TCEANC: variants seen among roughly 807,000 people sequenced by gnomAD.
The protein encoded by TCEANC is transcription elongation factor A N-terminal and central domain-containing protein.
In TCEANC, 8 loss-of-function variants were observed where a neutral mutation model predicts 8.7. That is an observed-to-expected ratio of 0.92 (90% CI 0.54 to 1.65). The LOEUF (loss-of-function observed/expected upper bound fraction) is 1.65, where lower values mean the gene tolerates loss of function less well. Ranked by LOEUF, TCEANC falls within the 40% of genes most tolerant of loss-of-function variation. The probability of loss-of-function intolerance (pLI) is 0.00; values close to 1 mark genes in which losing one functional copy is unlikely to be tolerated. For synonymous variants in TCEANC, 78 were observed against 92.9 expected (o/e 0.84, Z 0.92); for missense variants, 255 against 251.9 (o/e 1.01, Z -0.08).
intron 1 of TCEANC, among the ~76,000 whole-genome samples, chrX:13,657,263 A>C (rs1178924806): frequency 8.9e-6 from 1 of 112,143 alleles, no homozygotes; most frequent in Non-Finnish European, 1.9e-5. Context: ...CCGCATATGT[A>C]CGCATTTTCT....
At chrX:13,659,940 T>A (rs915300687) in intron 1 of TCEANC, among the ~76,000 whole-genome samples, 172 bp downstream of exon 3, 3 of 111,812 alleles carry the variant, frequency 2.7e-5, no homozygotes, top group Non-Finnish European at 5.6e-5. Context: ...TAAGCCTTTT[T>A]AAGTATACAG....
At chrX:13,655,094 A>T (rs1186603645), upstream of TCEANC, among the ~76,000 whole-genome samples, 1 of 111,753 alleles carries the variant, frequency 8.9e-6, no homozygotes, top group African/African-American at 3.3e-5. Flanking sequence ...AGTAATAGTA[A>T]GCACTGACTG....
Position 13,655,787 on chromosome X carries a change from T to C in TCEANC, c.-9+414T>C, listed in dbSNP as rs919907798. On this transcript the variant is annotated intron_variant, in intron 1 of 1. Transcript: ENST00000380600. ...GTTTAATTTCCCCAGAGGATTCTAA[T>C]GTGCAGCCAGGCTTGAGAACCACTA... is the stretch of plus-strand genomic sequence containing the variant. Among the ~76,000 whole-genome samples the C allele has an allele frequency of 2.7e-5, 3 of 112,731 alleles. No individual in the cohort carries two copies. In the Admixed American group the frequency reaches 2.8e-4, roughly 11 times the overall value.
chrX:13,664,469 C>T (rs969679613), exon 2 of TCEANC: 9 of 123,399 alleles, frequency 7.3e-5, no homozygotes, highest in African/African-American at 9.7e-5. Flanking sequence ...GAACTCATCC[C>T]GCAGTTAGAA....
At chrX:13,663,671 A>C in exon 2 of TCEANC, 1 of 794,851 alleles carries the variant, frequency 1.3e-6, no homozygotes, top group Non-Finnish European at 1.7e-6. Flanking sequence ...AAAACAGAAA[A>C]AGGAGGAAAG....
At chrX:13,654,016 A>G (rs1180192882), upstream of TCEANC, among the ~76,000 whole-genome samples, 1 of 112,285 alleles carries the variant, frequency 8.9e-6, no homozygotes, top group Non-Finnish European at 1.9e-5. Flanking sequence ...CATTAGTTAC[A>G]TAAGGCTTGA....
chrX:13,662,163 G>A (rs749022354), intron 1 of TCEANC, among the ~76,000 whole-genome samples: 5 of 111,709 alleles, frequency 4.5e-5, no homozygotes, highest in Admixed American at 9.5e-5. Flanking sequence ...ACCGGATTCC[G>A]CCCAAATGGA....
chrX:13,662,064 A>G (rs369135630), intron 1 of TCEANC, among the ~76,000 whole-genome samples: 7 of 112,148 alleles, frequency 6.2e-5, no homozygotes, highest in African/African-American at 2.3e-4. Flanking sequence ...GTTCAGTTAT[A>G]TAGCTGACTC....
exon 2 of TCEANC, chrX:13,662,808 A>T (rs773306220): frequency 8.3e-7 from 1 of 1,211,493 alleles, no homozygotes; most frequent in South Asian, 1.8e-5. Flanking sequence ...GTAATAAAGA[A>T]GAAAATTCAG....
At chrX:13,661,894 G>A (rs181601664) in intron 1 of TCEANC, among the ~76,000 whole-genome samples, 63 of 112,381 alleles carry the variant, frequency 5.6e-4, no homozygotes, top group Admixed American at 5.2e-3. Flanking sequence ...AGTGTAGCCT[G>A]TTGGCTTTTG....
At chrX:13,662,399 A>G in intron 1 of TCEANC, 102 bp from the exon 5 acceptor site, 1 of 742,756 alleles carries the variant, frequency 1.3e-6, no homozygotes, top group Non-Finnish European at 2.0e-6. Context: ...TCTTTCGGAA[A>G]ACATTGCCTA....
upstream of TCEANC, among the ~76,000 whole-genome samples, chrX:13,654,833 T>TTTGG (rs2045911469): frequency 9.3e-6 from 1 of 107,612 alleles, no homozygotes; most frequent in African/African-American, 3.4e-5. Flanking sequence ...ACCATGGTTT[T>TTTGG]TTTGTTTGTT....
At chrX:13,663,494 A>C in exon 2 of TCEANC, 2 of 1,175,296 alleles carry the variant, frequency 1.7e-6, no homozygotes, top group Non-Finnish European at 2.3e-6. Context: ...CCAGATGAAC[A>C]AATGATGACT....
At chrX:13,660,259 A>G (rs1343691337) in intron 1 of TCEANC, among the ~76,000 whole-genome samples, 1 of 112,240 alleles carries the variant, frequency 8.9e-6, no homozygotes, top group Non-Finnish European at 1.9e-5. Context: ...ATCAAATTCT[A>G]TTTTTAAATA....
intron 1 of TCEANC, among the ~76,000 whole-genome samples, chrX:13,657,239 G>A (rs1038663651): frequency 2.7e-5 from 3 of 111,941 alleles, no homozygotes; most frequent in Admixed American, 9.5e-5. Context: ...TTAAGGAAAC[G>A]AGAGATGTGG....
rs1477772770 is a variant in TCEANC at position 13,662,482 on chromosome X, A to T, written c.-8-19A>T. On this transcript the variant is annotated intron_variant, in intron 1 of 1. Coordinates refer to ENST00000380600, the Ensembl canonical transcript of TCEANC. ...CAACGGCAAACTTAAGAAAACTGAA[A>T]CCTCTTTTTTCTTTGCAGCTGTAAA... is the stretch of plus-strand genomic sequence containing the variant. The T allele has an allele frequency of 4.3e-6, 5 of 1,167,132 alleles. No individual in the cohort carries two copies. The highest frequency in any genetic ancestry group is 4.6e-6 in the Non-Finnish European group (4 of 874,468).
chrX:13,654,144 A>C (rs1354133986), upstream of TCEANC, among the ~76,000 whole-genome samples: 2 of 113,142 alleles, frequency 1.8e-5, no homozygotes, highest in Non-Finnish European at 3.7e-5. Flanking sequence ...TATTAATCAC[A>C]TGTTGAAATG....
At chrX:13,657,403 A>G (rs2146724869) in intron 1 of TCEANC, among the ~76,000 whole-genome samples, 1 of 111,642 alleles carries the variant, frequency 9.0e-6, no homozygotes, top group South Asian at 3.7e-4. Flanking sequence ...GATGTGGAAA[A>G]ATAGTCCTAA....
intron 1 of TCEANC, among the ~76,000 whole-genome samples, chrX:13,658,599 A>C (rs1202261269): frequency 1.8e-5 from 2 of 111,950 alleles, no homozygotes; most frequent in African/African-American, 6.5e-5. Context: ...ATGGTGAGAA[A>C]TGAATCAATC....
Sources: allele counts gnomAD v4.1 joint callset (sites outside exome capture counted in the v4.1 genomes callset), GRCh38; gene constraint gnomAD v4.1.1; transcripts MANE v1.5; gene names NCBI Gene and HGNC (gene_info 2026-07-23, HGNC 2026-07-21).